The following SUMF1 variants were observed in gnomAD, a reference collection of about 807,000 sequenced individuals.
The protein encoded by SUMF1 is formylglycine-generating enzyme.
SUMF1 carries 48 observed loss-of-function variants against 47.6 expected under a neutral mutation model. The ratio of observed to expected loss-of-function variants is 1.01; its 90% CI spans 0.80 to 1.28. The LOEUF (loss-of-function observed/expected upper bound fraction) is 1.28. Among genes scored for constraint, SUMF1 ranks in the 50% most tolerant of loss-of-function variants. The pLI, the probability that SUMF1 is intolerant of heterozygous loss-of-function variation, is 0.00. For synonymous variants in SUMF1, 230 were observed against 192.1 expected, an observed-to-expected ratio of 1.20 and a Z score of -1.63; for missense variants, 571 against 485.4, an observed-to-expected ratio of 1.18 and a Z score of -1.66.
chr3:4,221,414 G>GGTGTGT lies in SUMF1; in HGVS notation c.1015-152675_1015-152670dup, dbSNP rs113359661. Among the ~76,000 whole-genome samples the GGTGTGT allele has an allele frequency of 1.9e-3, 275 of 148,198 alleles. 1 individual carries two copies. Among genetic ancestry groups the GGTGTGT allele is most frequent in the African/African-American group, 2.3e-3 (91 of 40,368 alleles). Reference sequence around the variant, plus strand: ...AAATGCTTTGGGTTTGGTTTTTTGGGGTGTGTGTGTGTGTGTGTGTGTGTG... The same window carrying GGTGTGT: ...AAATGCTTTGGGTTTGGTTTTTTGGGGTGTGTGTGTGTGTGTGTGTGTGTGTGTGTG... On this transcript the variant is annotated intron_variant and NMD_transcript_variant, in intron 8 of 12. Transcript: ENST00000448413.
chr3:4,419,801 G>A (rs957257998), intron 4 of SUMF1, among the ~76,000 whole-genome samples: 1 of 152,164 alleles, frequency 6.6e-6, no homozygotes, highest in African/African-American at 2.4e-5. Context: ...AAAGGAGCAG[G>A]GAAACTGGGA....
At chr3:4,358,633 G>A (rs1334139451), downstream of SUMF1, among the ~76,000 whole-genome samples, 1 of 152,190 alleles carries the variant, frequency 6.6e-6, no homozygotes, top group African/African-American at 2.4e-5. Flanking sequence ...TTAATACCAT[G>A]AAAGTGCCTT....
chr3:4,315,867 T>G (rs962950460), intron 8 of SUMF1, among the ~76,000 whole-genome samples: 1 of 151,854 alleles, frequency 6.6e-6, no homozygotes, highest in Non-Finnish European at 1.5e-5. Flanking sequence ...GCCAACATGG[T>G]GAAACCCCAT....
chr3:4,316,641 C>T, intron 8 of SUMF1: 1 of 1,551,188 alleles, frequency 6.4e-7, no homozygotes, highest in Non-Finnish European at 8.7e-7. Context: ...TCTACGCAAC[C>T]ACAACGAACC....
At chr3:4,442,326 G>A (rs1261125679) in intron 3 of SUMF1, among the ~76,000 whole-genome samples, 5 of 151,426 alleles carry the variant, frequency 3.3e-5, no homozygotes, top group African/African-American at 1.2e-4. Context: ...CGCGATCTCG[G>A]CTCACTGCAA....
chr3:4,193,006 T>C (rs1004281116), intron 8 of SUMF1, among the ~76,000 whole-genome samples: 1 of 152,078 alleles, frequency 6.6e-6, no homozygotes, highest in African/African-American at 2.4e-5. Context: ...TCCAGGCCAA[T>C]GTCAGCATGT....
Position 4,150,363 on chromosome 3 carries a change from A to G in SUMF1, c.1015-81618T>C, listed in dbSNP as rs1694290607. 1.3e-5 allele frequency among the ~76,000 whole-genome samples: 2 copies of G among 151,474 alleles called. 1 individual carries two copies. Among genetic ancestry groups the G allele is most frequent in the South Asian group, 4.2e-4 (2 of 4,812 alleles). Reference sequence around the variant, plus strand: ...GATTGCCTGAGCTCAGGAGTTTGCGACCAGCCTGGGCAACACGGTGAAATC... The same window carrying G: ...GATTGCCTGAGCTCAGGAGTTTGCGGCCAGCCTGGGCAACACGGTGAAATC... On this transcript the variant is annotated intron_variant and NMD_transcript_variant, in intron 8 of 12. Transcript: ENST00000448413.
In SUMF1 at chr3:4,124,722, A is replaced by T. The variant is rs367547717; in HGVS notation, c.1015-55977T>A. ...TGGCTTTCATGACCAAGAAACAAAA[A>T]TCTTGAGGTTCTGTTTTTAGCAATA... On this transcript the variant is annotated intron_variant and NMD_transcript_variant, in intron 8 of 12. Coordinates refer to the SUMF1 transcript ENST00000448413. 1.9e-4 allele frequency among the ~76,000 whole-genome samples: 29 copies of T among 152,238 alleles called. No homozygotes were observed. In the East Asian group the frequency reaches 3.7e-3, roughly 19 times the overall value.
intron 8 of SUMF1, among the ~76,000 whole-genome samples, chr3:4,312,740 G>T (rs937386802): frequency 1.4e-4 from 21 of 150,056 alleles, no homozygotes; most frequent in Admixed American, 4.0e-4. Flanking sequence ...ATTGAAGAGA[G>T]ATGTTTTTGG....
intron 8 of SUMF1, among the ~76,000 whole-genome samples, chr3:4,107,938 T>C (rs1693195682): frequency 6.7e-6 from 1 of 150,236 alleles, no homozygotes; most frequent in African/African-American, 2.5e-5. Flanking sequence ...TTTTCTGTGA[T>C]AAGTAAAAGA....
In SUMF1 at chr3:4,235,186, G is replaced by A. The variant is rs141784002; in HGVS notation, c.1014+141144C>T. On this transcript the variant is annotated intron_variant and NMD_transcript_variant, in intron 8 of 12. Transcript: ENST00000448413. ...GGAAATATCTAAAATGTAGCAGAAA[G>A]CATCAACAGAACTTTATGACTGGCT... Among the ~76,000 whole-genome samples, 102 of 152,246 alleles carry A rather than the reference G, an allele frequency of 6.7e-4. 1 individual carries two copies. The highest frequency in any genetic ancestry group is 3.4e-3 in the Middle Eastern group (1 of 294).
rs73809337 is a variant in SUMF1, at chr3:4,170,155, T to C, written c.1015-101410A>G. ...ATATTGTCTATGGCTGTTTTTGTGC[T>C]ACAACAGTAAAGTCAAGTCATCCTT... On this transcript the variant is annotated intron_variant and NMD_transcript_variant, in intron 8 of 12. Transcript: ENST00000448413. 6.8e-3 allele frequency among the ~76,000 whole-genome samples: 1,041 copies of C among 152,292 alleles called. 16 individuals carry two copies. The highest frequency in any genetic ancestry group is 0.024 in the African/African-American group (994 of 41,556).
At chr3:4,430,564 C>T (rs1429534995) in intron 3 of SUMF1, among the ~76,000 whole-genome samples, 11 of 152,148 alleles carry the variant, frequency 7.2e-5, no homozygotes, top group Non-Finnish European at 1.2e-4. Flanking sequence ...CACATGACTA[C>T]GAATCTATAG....
chr3:4,434,310 G>C (rs1351387175), intron 3 of SUMF1, among the ~76,000 whole-genome samples: 1 of 152,210 alleles, frequency 6.6e-6, no homozygotes, highest in African/African-American at 2.4e-5. Context: ...CACATACAAA[G>C]TATGTTATTA....
chr3:4,337,097 C>A (rs1699168296), intron 8 of SUMF1, among the ~76,000 whole-genome samples: 1 of 152,204 alleles, frequency 6.6e-6, no homozygotes, highest in Non-Finnish European at 1.5e-5. Flanking sequence ...CATATTCCAT[C>A]TCTTATGATT....
intron 3 of SUMF1, among the ~76,000 whole-genome samples, chr3:4,430,325 G>A (rs9990127): frequency 6.6e-6 from 1 of 152,094 alleles, no homozygotes; most frequent in African/African-American, 2.4e-5. Flanking sequence ...TTGAGTAACG[G>A]GACAGATAGT....
intron 3 of SUMF1, among the ~76,000 whole-genome samples, chr3:4,446,150 C>G (rs1366651211): frequency 1.3e-5 from 2 of 152,154 alleles, no homozygotes; most frequent in Non-Finnish European, 2.9e-5. Context: ...TAGATTATCA[C>G]CATCTAATAT....
chr3:4,173,851 G>A (rs1045593560), intron 8 of SUMF1, among the ~76,000 whole-genome samples: 4 of 152,086 alleles, frequency 2.6e-5, no homozygotes, highest in South Asian at 2.1e-4. Flanking sequence ...GACACAGGGA[G>A]GGGAACATCA....
chr3:4,464,100 A>G (rs1321417481), intron 1 of SUMF1, among the ~76,000 whole-genome samples: 1 of 152,228 alleles, frequency 6.6e-6, no homozygotes, highest in Non-Finnish European at 1.5e-5. Context: ...GTTACATTAA[A>G]AAGTGTGAAC....
Sources: gnomAD v4.1 joint callset for allele counts (sites outside exome capture counted in the v4.1 genomes callset) on GRCh38, gnomAD v4.1.1 for gene constraint, MANE v1.5 for transcripts, NCBI Gene and HGNC (gene_info 2026-07-23, HGNC 2026-07-21) for gene names.